Variants in FABP12 observed in about 807,000 individuals in gnomAD.
FABP12 encodes fatty acid binding protein 12.
In FABP12, 19 loss-of-function variants were observed where a neutral mutation model predicts 13.7. The ratio of observed to expected loss-of-function variants is 1.39; its 90% CI spans 0.97 to 2.04. The LOEUF (loss-of-function observed/expected upper bound fraction) is 2.04. FABP12 is among the 30% of genes most tolerant of loss of function. The pLI is 0.00. For synonymous variants in FABP12, 61 were observed against 57.0 expected, an observed-to-expected ratio of 1.07 and a Z score of -0.32; for missense variants, 182 against 164.2, an observed-to-expected ratio of 1.11 and a Z score of -0.59.
intron 1 of FABP12, among the ~76,000 whole-genome samples, chr8:81,541,102 G>A (rs1809329953): frequency 6.7e-6 from 1 of 150,298 alleles, no homozygotes; most frequent in Admixed American, 6.6e-5. Context: ...GGAGGTGGAG[G>A]TTGCAGTGAG....
At chr8:81,530,770 C>T (rs566312056) in intron 2 of FABP12, among the ~76,000 whole-genome samples, 3 of 152,178 alleles carry the variant, frequency 2.0e-5, no homozygotes, top group African/African-American at 7.2e-5. Flanking sequence ...CATAAATTTC[C>T]TTTTAAGAGG....
Position 81,525,130 on chromosome 8 carries a change from A to T in FABP12, c.349-10T>A. 6.5e-7 allele frequency: 1 copy of T among 1,539,108 alleles called. No individual in the cohort carries two copies. Among genetic ancestry groups the T allele is most frequent in the Non-Finnish European group, 8.9e-7 (1 of 1,125,048 alleles). ...TGTTCACAGTACTTTCCTACAAGAC[A>T]AAAGAAATATGAGGTATTTCAGTAT... On this transcript the variant is annotated splice_polypyrimidine_tract_variant and intron_variant, in intron 4 of 4. Coordinates refer to ENST00000360464, the Ensembl canonical transcript of FABP12.
At chr8:81,588,457 A>T (rs1217934555) in intron 1 of FABP12, among the ~76,000 whole-genome samples, 1 of 152,118 alleles carries the variant, frequency 6.6e-6, no homozygotes, top group African/African-American at 2.4e-5. Flanking sequence ...TAGATTGTTC[A>T]CTGTTGGTAT....
At chr8:81,562,779 A>G (rs1809746707) in intron 1 of FABP12, among the ~76,000 whole-genome samples, 1 of 152,070 alleles carries the variant, frequency 6.6e-6, no homozygotes, top group African/African-American at 2.4e-5. Context: ...ATAGATTCCT[A>G]AGGTTTCTGA....
chr8:81,528,296 C>T (rs988081463), intron 3 of FABP12, among the ~76,000 whole-genome samples: 14 of 152,002 alleles, frequency 9.2e-5, no homozygotes, highest in African/African-American at 3.4e-4. Context: ...TCAGGCTGGT[C>T]GTAGACTCCT....
intron 1 of FABP12, among the ~76,000 whole-genome samples, chr8:81,573,660 C>G (rs575413016): frequency 6.6e-6 from 1 of 152,002 alleles, no homozygotes; most frequent in African/African-American, 2.4e-5. Context: ...AGAGGTCTTT[C>G]GATTCCTTGG....
At chr8:81,536,985 T>C (rs887838251), upstream of FABP12, among the ~76,000 whole-genome samples, 9 of 152,344 alleles carry the variant, frequency 5.9e-5, no homozygotes, top group African/African-American at 1.9e-4. Context: ...GTCTCAAGTA[T>C]AAATTTTTAA....
intron 1 of FABP12, among the ~76,000 whole-genome samples, chr8:81,571,459 C>T (rs1156940045): frequency 3.9e-5 from 6 of 152,238 alleles, no homozygotes; most frequent in Non-Finnish European, 8.8e-5. Flanking sequence ...ACTGCTGCTA[C>T]TGCTGCTCCC....
intron 1 of FABP12, among the ~76,000 whole-genome samples, chr8:81,585,890 G>A (rs776750693): frequency 3.0e-4 from 46 of 151,918 alleles, no homozygotes; most frequent in South Asian, 6.2e-4. Flanking sequence ...GGTTTGTTAC[G>A]TGGGTAAATT....
intron 4 of FABP12, 131 bp downstream of exon 4, chr8:81,526,889 T>A (rs1258290863): frequency 1.7e-6 from 1 of 594,464 alleles, no homozygotes; most frequent in Non-Finnish European, 3.0e-6. Flanking sequence ...ATTTATCTCA[T>A]AATTTTTTTC....
At chr8:81,554,586 G>A (rs1047986637) in intron 1 of FABP12, among the ~76,000 whole-genome samples, 4 of 151,910 alleles carry the variant, frequency 2.6e-5, no homozygotes, top group African/African-American at 2.4e-5. Flanking sequence ...TAGGAGCTGC[G>A]ACAGTAACCA....
At chr8:81,538,586 A>G (rs556343473), upstream of FABP12, among the ~76,000 whole-genome samples, 46 of 152,322 alleles carry the variant, frequency 3.0e-4, no homozygotes, top group African/African-American at 9.9e-4. Context: ...CCATAAGCCT[A>G]GGGACACCAT....
intron 2 of FABP12, among the ~76,000 whole-genome samples, chr8:81,530,948 C>T (rs1809057263): frequency 1.3e-5 from 2 of 152,120 alleles, no homozygotes; most frequent in Admixed American, 1.3e-4. Flanking sequence ...TTAGAGCAAA[C>T]ATTTACAAAA....
At chr8:81,561,912 G>A (rs940729248) in intron 1 of FABP12, among the ~76,000 whole-genome samples, 1 of 152,318 alleles carries the variant, frequency 6.6e-6, no homozygotes, top group Non-Finnish European at 1.5e-5. Flanking sequence ...TGCAGTGCTA[G>A]GATTGGAGCC....
intron 3 of FABP12, among the ~76,000 whole-genome samples, chr8:81,527,551 C>T (rs930032875): frequency 3.3e-5 from 5 of 151,898 alleles, no homozygotes; most frequent in African/African-American, 4.8e-5. Flanking sequence ...TTAGTAAAGA[C>T]GGGGTTTCAC....
intron 1 of FABP12, among the ~76,000 whole-genome samples, chr8:81,545,496 T>A (rs74577132): frequency 6.6e-6 from 1 of 152,220 alleles, no homozygotes; most frequent in South Asian, 2.1e-4. Context: ...GGAATTAGTC[T>A]AGCATTTTGA....
intron 1 of FABP12, among the ~76,000 whole-genome samples, chr8:81,577,969 C>T (rs761346603): frequency 6.6e-6 from 1 of 152,090 alleles, no homozygotes; most frequent in Non-Finnish European, 1.5e-5. Flanking sequence ...ATGATGGAAT[C>T]CTCTAATTAT....
chr8:81,542,596 C>G (rs1220027878), intron 1 of FABP12, among the ~76,000 whole-genome samples: 1 of 152,170 alleles, frequency 6.6e-6, no homozygotes, highest in African/African-American at 2.4e-5. Flanking sequence ...GATATTCCCA[C>G]AAGTCTACAG....
chr8:81,528,381 G>C (rs149913320), intron 3 of FABP12, among the ~76,000 whole-genome samples: 2 of 152,176 alleles, frequency 1.3e-5, no homozygotes, highest in Admixed American at 1.3e-4. Context: ...ACCCAACCTA[G>C]CTTTTTTATT....
Sources: allele counts gnomAD v4.1 joint callset (sites outside exome capture counted in the v4.1 genomes callset), GRCh38; gene constraint gnomAD v4.1.1; transcripts MANE v1.5; gene names NCBI Gene and HGNC (gene_info 2026-07-23, HGNC 2026-07-21).